The following TEAD4 variants were observed in gnomAD, a reference collection of about 807,000 sequenced individuals.
The protein encoded by TEAD4 is TEA domain transcription factor 4, also known as transcriptional enhancer factor TEF-3.
TEAD4 carries 36 observed loss-of-function variants against 52.4 expected under a neutral mutation model. The ratio of observed to expected loss-of-function variants is 0.69; its 90% CI spans 0.53 to 0.91. TEAD4 has a LOEUF of 0.91. Among genes scored for constraint, TEAD4 ranks in the 40% least tolerant of loss-of-function variants. The pLI is 0.00. For synonymous variants in TEAD4, 220 were observed against 231.0 expected, an observed-to-expected ratio of 0.95 and a Z score of 0.43; for missense variants, 508 against 583.9, an observed-to-expected ratio of 0.87 and a Z score of 1.34.
At chr12:3,019,431 C>T (rs60833991) in intron 8 of TEAD4, among the ~76,000 whole-genome samples, 13,424 of 152,256 alleles carry the variant, frequency 0.088, 1,220 homozygotes, top group African/African-American at 0.23. Context: ...TTGTGGGGCA[C>T]GTGCAGTTCC....
chr12:3,008,190 G>A (rs2098257411), intron 3 of TEAD4, among the ~76,000 whole-genome samples: 2 of 152,206 alleles, frequency 1.3e-5, no homozygotes, highest in Admixed American at 6.5e-5. Flanking sequence ...TGGGTGCCAG[G>A]GTGGGCGGGT....
At position 3,020,772 on chromosome 12, in the gene TEAD4, C is replaced by A. The variant is rs765047253; in HGVS notation, c.722C>A (p.Thr241Lys). ...CTGGAGCAGCAGCAGGACCCGGACA[C>A]GGTAGGTCCTGGCCTCTGCCTGTCC... is the stretch of plus-strand genomic sequence containing the variant. Residue 241 changes from threonine to lysine, a missense_variant and splice_region_variant, in exon 9 of 13, where the codon ACG becomes AAG. Coordinates refer to ENST00000359864, the MANE Select transcript of TEAD4 (RefSeq NM_003213.4). The A allele has an allele frequency of 6.2e-7, 1 of 1,602,832 alleles. No individual in the cohort carries two copies. Among genetic ancestry groups the A allele is most frequent in the Admixed American group, 1.7e-5 (1 of 58,826 alleles).
intron 2 of TEAD4, among the ~76,000 whole-genome samples, chr12:2,963,966 A>AG (rs1188429495): frequency 6.6e-6 from 1 of 152,056 alleles, no homozygotes; most frequent in Non-Finnish European, 1.5e-5. Context: ...AGGAGTCACC[A>AG]GGGGCAGGAA....
chr12:3,040,181 C>G lies in TEAD4; in HGVS notation c.1113C>G (p.Ile371Met). Residue 371 changes from isoleucine to methionine, a missense_variant, in exon 12 of 13, where the codon ATC becomes ATG. Coordinates refer to ENST00000359864, the MANE Select transcript of TEAD4 (RefSeq NM_003213.4). Reference sequence around the variant, plus strand: ...GGTCCCCGCTCTGTGAGTACATGATCAACTTCATCCACAAGCTCAAGCACC... The same window carrying G: ...GGTCCCCGCTCTGTGAGTACATGATGAACTTCATCCACAAGCTCAAGCACC... The G allele has an allele frequency of 6.2e-7, 1 of 1,614,228 alleles. No individual in the cohort carries two copies. The highest frequency in any genetic ancestry group is 8.5e-7 in the Non-Finnish European group (1 of 1,180,050).
At chr12:3,003,160 A>G (rs897428172) in intron 3 of TEAD4, among the ~76,000 whole-genome samples, 4 of 152,098 alleles carry the variant, frequency 2.6e-5, no homozygotes, top group African/African-American at 9.7e-5. Context: ...TCACTCCACC[A>G]GAGGCCTACA....
intron 2 of TEAD4, among the ~76,000 whole-genome samples, chr12:2,985,808 G>A (rs956917602): frequency 1.8e-4 from 28 of 152,132 alleles, no homozygotes; most frequent in Middle Eastern, 3.4e-3. Context: ...CATACCAGCC[G>A]GGCGTGGTGG....
chr12:3,029,542 T>C (rs2098274222), intron 10 of TEAD4, among the ~76,000 whole-genome samples: 1 of 151,934 alleles, frequency 6.6e-6, no homozygotes, highest in South Asian at 2.1e-4. Context: ...CCGGCCCAAG[T>C]TTTTATTTTT....
intron 5 of TEAD4, among the ~76,000 whole-genome samples, chr12:3,015,592 G>C (rs1350937508): frequency 6.6e-6 from 1 of 152,226 alleles, no homozygotes; most frequent in Non-Finnish European, 1.5e-5. Context: ...AGCTGCGTGT[G>C]GACCGCGTGG....
Position 2,966,705 on chromosome 12 carries a change from C to T in TEAD4, c.-30+6665C>T, listed in dbSNP as rs928051183. ...GTATTACAGGTGTGAGCCACCATGCCCGGCGTATTTCTTTTTTTTGAGATG... is the reference window on the plus strand; with the variant it reads ...GTATTACAGGTGTGAGCCACCATGCTCGGCGTATTTCTTTTTTTTGAGATG... On this transcript the variant is annotated intron_variant, in intron 2 of 12. Coordinates refer to ENST00000359864, the MANE Select transcript of TEAD4 (RefSeq NM_003213.4). Among the ~76,000 whole-genome samples, 6 of 151,438 alleles carry T rather than the reference C, an allele frequency of 4.0e-5. No homozygotes were observed. The East Asian group carries it at 9.7e-4, about 24-fold the overall frequency.
At chr12:3,013,332 TTA>T (rs2098261908) in intron 5 of TEAD4, among the ~76,000 whole-genome samples, 1 of 151,872 alleles carries the variant, frequency 6.6e-6, no homozygotes, top group Non-Finnish European at 1.5e-5. Flanking sequence ...CCCTGATGTG[TTA>T]TCAGAGGAGC....
intron 5 of TEAD4, among the ~76,000 whole-genome samples, chr12:3,016,495 C>T (rs972204832): frequency 6.6e-6 from 1 of 151,718 alleles, no homozygotes; most frequent in Non-Finnish European, 1.5e-5. Context: ...GTCCCAGCTA[C>T]TCAGGAGGCT....
intron 2 of TEAD4, among the ~76,000 whole-genome samples, chr12:2,965,036 G>A (rs192991898): frequency 6.6e-6 from 1 of 152,240 alleles, no homozygotes; most frequent in Admixed American, 6.5e-5. Flanking sequence ...CTGGAAGGAG[G>A]GTAGGAGTAG....
In TEAD4 at chr12:3,037,961, C is replaced by G. The variant is rs998876635; in HGVS notation, c.898-7C>G. Reference sequence around the variant, plus strand: ...CACTCCCTCGCCTTCCCACTGTCTCCCTCCAGGCAGACCTCAACACCAACA... The same window carrying G: ...CACTCCCTCGCCTTCCCACTGTCTCGCTCCAGGCAGACCTCAACACCAACA... On this transcript the variant is annotated splice_region_variant and splice_polypyrimidine_tract_variant and intron_variant, in intron 10 of 12. Transcript: ENST00000359864. 2 of 1,611,512 alleles carry G rather than the reference C, an allele frequency of 1.2e-6. No homozygotes were observed. Among genetic ancestry groups the G allele is most frequent in the African/African-American group, 2.7e-5 (2 of 74,872 alleles).
chr12:3,003,018 G>A (rs1242008515), intron 3 of TEAD4, among the ~76,000 whole-genome samples: 1 of 152,130 alleles, frequency 6.6e-6, no homozygotes, highest in Non-Finnish European at 1.5e-5. Context: ...TTGATCCCTG[G>A]ATAGCTGCAC....
At chr12:3,017,063 A>G (rs1370253171) in intron 5 of TEAD4, 5 of 485,016 alleles carry the variant, frequency 1.0e-5, no homozygotes, top group Non-Finnish European at 1.6e-5. Context: ...TTTTCACAAG[A>G]CAGGTGCTGA....
chr12:2,988,844 A>G (rs2098240799), intron 2 of TEAD4, among the ~76,000 whole-genome samples: 1 of 152,216 alleles, frequency 6.6e-6, no homozygotes, highest in Non-Finnish European at 1.5e-5. Context: ...AGGAGCTTCC[A>G]GAAAGCTGAA....
chr12:3,011,966 G>A (rs2098260690), intron 4 of TEAD4, among the ~76,000 whole-genome samples: 1 of 152,152 alleles, frequency 6.6e-6, no homozygotes, highest in Admixed American at 6.6e-5. Flanking sequence ...GCTCCCTGCC[G>A]GCACTGCACT....
chr12:2,984,442 A>G (rs6489416), intron 2 of TEAD4, among the ~76,000 whole-genome samples: 110,425 of 152,030 alleles, frequency 0.73, 43,064 homozygotes, highest in Non-Finnish European at 0.87. Flanking sequence ...TTCAGGAGAC[A>G]TGTAGGCGAC....
rs61672018 is a variant in TEAD4 at position 2,968,385 on chromosome 12, C to CTTTTTTTTTTTTTTTTTTTT, written c.-30+8353_-30+8372dup. ...ACAGGTGTGAGCCACCGCGCCCGGC[C>CTTTTTTTTTTTTTTTTTTTT]TTTTTTTTTTTTTTTTTTTTTTTTT... On this transcript the variant is annotated intron_variant, in intron 2 of 12. Transcript: ENST00000359864. 3.6e-5 allele frequency among the ~76,000 whole-genome samples: 2 copies of CTTTTTTTTTTTTTTTTTTTT among 55,046 alleles called. 1 individual carries two copies. The highest frequency in any genetic ancestry group is 1.3e-4 in the African/African-American group (2 of 15,040). The allele number at this position is 55,046 out of a possible 152,430, so 36.1% of individuals were successfully genotyped here.
Sources: allele counts gnomAD v4.1 joint callset (sites outside exome capture counted in the v4.1 genomes callset), GRCh38; gene constraint gnomAD v4.1.1; transcripts MANE v1.5; gene names NCBI Gene and HGNC (gene_info 2026-07-23, HGNC 2026-07-21).